TM9SF3: variants seen among roughly 807,000 people sequenced by gnomAD.
The protein encoded by TM9SF3 is transmembrane 9 superfamily member 3.
TM9SF3 carries 14 observed loss-of-function variants against 78.6 expected under a neutral mutation model. That is an observed-to-expected ratio of 0.18 (90% CI 0.12 to 0.28). TM9SF3 has a LOEUF of 0.28. Among genes scored for constraint, TM9SF3 ranks in the 10% least tolerant of loss-of-function variants. The probability of loss-of-function intolerance (pLI) is 1.00; values close to 1 mark genes in which losing one functional copy is unlikely to be tolerated. For synonymous variants in TM9SF3, 231 were observed against 241.7 expected, an observed-to-expected ratio of 0.96 and a Z score of 0.41; for missense variants, 496 against 721.9, an observed-to-expected ratio of 0.69 and a Z score of 3.59.
At chr10:96,570,519 A>G (rs192521413) in intron 2 of TM9SF3, among the ~76,000 whole-genome samples, 72 of 152,368 alleles carry the variant, frequency 4.7e-4, no homozygotes, top group African/African-American at 1.7e-3. Context: ...GAAATCGGTA[A>G]TAAGAATTGA....
At chr10:96,536,215 CA>C (rs1796721032) in intron 9 of TM9SF3, among the ~76,000 whole-genome samples, 1 of 151,934 alleles carries the variant, frequency 6.6e-6, no homozygotes, top group African/African-American at 2.4e-5. Context: ...TAATTAATGG[CA>C]TAAAACTAAA....
chr10:96,542,924 G>A (rs1469658916), intron 9 of TM9SF3, among the ~76,000 whole-genome samples: 4 of 152,070 alleles, frequency 2.6e-5, no homozygotes, highest in Non-Finnish European at 5.9e-5. Context: ...GGAATTTTTG[G>A]GAAACTATTT....
intron 3 of TM9SF3, among the ~76,000 whole-genome samples, 189 bp from the exon 4 acceptor site, chr10:96,562,327 A>C (rs980775652): frequency 6.6e-6 from 1 of 150,968 alleles, no homozygotes; most frequent in African/African-American, 2.4e-5. Flanking sequence ...CCCAGAAGCC[A>C]AGCAGATGCC....
chr10:96,525,086 A>C (rs919138192), intron 14 of TM9SF3, among the ~76,000 whole-genome samples: 1 of 152,030 alleles, frequency 6.6e-6, no homozygotes, highest in East Asian at 1.9e-4. Context: ...ACATATAGAA[A>C]AAGTCAAGTC....
chr10:96,560,864 G>T (rs187651029), intron 4 of TM9SF3: 9 of 537,718 alleles, frequency 1.7e-5, no homozygotes, highest in Non-Finnish European at 2.5e-5. Context: ...ACACCAAAAG[G>T]ACCTAGTTCT....
chr10:96,560,441 G>C (rs949331909), intron 4 of TM9SF3: 9 of 753,024 alleles, frequency 1.2e-5, no homozygotes, highest in East Asian at 5.2e-5. Flanking sequence ...CACAGCCAAC[G>C]GTTTCCCTTG....
At chr10:96,537,051 A>T (rs1026978475) in intron 9 of TM9SF3, among the ~76,000 whole-genome samples, 3 of 152,214 alleles carry the variant, frequency 2.0e-5, no homozygotes, top group Non-Finnish European at 4.4e-5. Flanking sequence ...ATATGTGATC[A>T]TCAGTGAGGC....
At chr10:96,536,136 C>T (rs1409241863) in intron 9 of TM9SF3, among the ~76,000 whole-genome samples, 2 of 151,728 alleles carry the variant, frequency 1.3e-5, no homozygotes, top group East Asian at 1.9e-4. Context: ...AAACTTGCAG[C>T]GAACTACAAA....
At chr10:96,577,495 T>C (rs1437882017) in intron 1 of TM9SF3, 1 of 152,202 alleles carries the variant, frequency 6.6e-6, no homozygotes, top group East Asian at 1.9e-4. Context: ...AAATCTGAAG[T>C]GTGGTCAGTA....
intron 1 of TM9SF3, among the ~76,000 whole-genome samples, chr10:96,578,851 G>A (rs1023959189): frequency 5.3e-5 from 8 of 152,188 alleles, no homozygotes; most frequent in African/African-American, 4.8e-5. Flanking sequence ...CAAAGCAGGC[G>A]GATCACTTAA....
chr10:96,557,177 A>G (rs1254329870), intron 5 of TM9SF3, among the ~76,000 whole-genome samples: 1 of 151,896 alleles, frequency 6.6e-6, no homozygotes, highest in Non-Finnish European at 1.5e-5. Flanking sequence ...TCTAGCCCAG[A>G]CCTCTCTCCT....
intron 8 of TM9SF3, among the ~76,000 whole-genome samples, chr10:96,546,296 C>T (rs934512015): frequency 6.6e-6 from 1 of 152,198 alleles, no homozygotes; most frequent in Admixed American, 6.5e-5. Flanking sequence ...ATAATCTTTA[C>T]ATTACATTTT....
At chr10:96,580,254 T>C (rs947112819) in intron 1 of TM9SF3, among the ~76,000 whole-genome samples, 1 of 149,254 alleles carries the variant, frequency 6.7e-6, no homozygotes, top group African/African-American at 2.5e-5. Context: ...TCCCCTTTTC[T>C]GCTTCATCTT....
chr10:96,527,102 G>T, intron 14 of TM9SF3, 111 bp downstream of exon 14: 2 of 814,836 alleles, frequency 2.5e-6, no homozygotes, highest in Non-Finnish European at 3.9e-6. Flanking sequence ...GGTTTATTTT[G>T]GTGTTTCTGA....
intron 2 of TM9SF3, among the ~76,000 whole-genome samples, chr10:96,567,154 G>T (rs1278814221): frequency 7.3e-6 from 1 of 137,272 alleles, no homozygotes; most frequent in South Asian, 2.3e-4. Flanking sequence ...GTGAGATCTC[G>T]GCTCACTGCA....
intron 2 of TM9SF3, among the ~76,000 whole-genome samples, chr10:96,569,299 C>A (rs181795643): frequency 6.6e-6 from 1 of 152,328 alleles, no homozygotes; most frequent in South Asian, 2.1e-4. Context: ...TGAAAATGCA[C>A]ATTCACATAA....
intron 1 of TM9SF3, 134 bp downstream of exon 1, chr10:96,586,600 G>A: frequency 1.4e-6 from 1 of 703,136 alleles, no homozygotes; most frequent in Non-Finnish European, 1.9e-6. Context: ...GCTCCGCCAG[G>A]CCCAACCGGA....
Position 96,521,241 on chromosome 10 carries a change from AATC to A in TM9SF3, c.*1019_*1021del. On this transcript the variant is annotated 3_prime_UTR_variant, in exon 15 of 15. Coordinates refer to ENST00000371142, the MANE Select transcript of TM9SF3 (RefSeq NM_020123.4). ...CACCCAAATCACACATTTCTACACC[AATC>A]ATCATAAGAAAAAAGTACTCTGTAG... The A allele has an allele frequency of 4.5e-6, 1 of 223,152 alleles. No homozygotes were observed. 13.8% of individuals were successfully genotyped at this position (223,152 alleles called of 1,614,324 possible).
intron 9 of TM9SF3, among the ~76,000 whole-genome samples, chr10:96,534,581 A>G (rs1331954959): frequency 1.3e-5 from 2 of 152,164 alleles, no homozygotes; most frequent in Non-Finnish European, 2.9e-5. Flanking sequence ...CCAGAACTCT[A>G]ATTTCAAATA....
Sources: gnomAD v4.1 joint callset for allele counts (sites outside exome capture counted in the v4.1 genomes callset) on GRCh38, gnomAD v4.1.1 for gene constraint, MANE v1.5 for transcripts, NCBI Gene and HGNC (gene_info 2026-07-23, HGNC 2026-07-21) for gene names.